The following MREG variants were observed in gnomAD, a reference collection of about 807,000 sequenced individuals.
MREG encodes the protein melanoregulin, also known as dilute suppressor protein homolog.
Under a neutral mutation model 28.5 loss-of-function variants are expected in MREG, and 31 were observed. The observed-to-expected ratio is 1.09, with a 90% CI of 0.82 to 1.47. The LOEUF is 1.47. Ranked by LOEUF, MREG falls within the 40% of genes most tolerant of loss-of-function variation. The probability of loss-of-function intolerance (pLI) is 0.00; values close to 1 mark genes in which losing one functional copy is unlikely to be tolerated. For synonymous variants in MREG, 106 were observed against 95.2 expected, an observed-to-expected ratio of 1.11 and a Z score of -0.66; for missense variants, 256 against 257.4, an observed-to-expected ratio of 0.99 and a Z score of 0.04.
intron 2 of MREG, among the ~76,000 whole-genome samples, chr2:215,995,511 C>CCCCCCCCCCCCCCCT (rs146414052): frequency 7.3e-6 from 1 of 136,124 alleles, no homozygotes; most frequent in Non-Finnish European, 1.5e-5. Context: ...CCCACCCCAC[C>CCCCCCCCCCCCCCCT]CCCCGCCACC....
intron 2 of MREG, among the ~76,000 whole-genome samples, chr2:215,954,422 C>T (rs1197844034): frequency 7.3e-6 from 1 of 136,442 alleles, no homozygotes; most frequent in Non-Finnish European, 1.6e-5. Context: ...TAAAATGATC[C>T]TTATTGTATT....
At chr2:216,006,285 T>C (rs1694152501) in intron 1 of MREG, among the ~76,000 whole-genome samples, 1 of 152,228 alleles carries the variant, frequency 6.6e-6, no homozygotes, top group Non-Finnish European at 1.5e-5. Flanking sequence ...CTTGTGAATT[T>C]TGGACAGCTG....
intron 2 of MREG, among the ~76,000 whole-genome samples, chr2:215,970,493 T>C (rs1245688861): frequency 6.6e-6 from 1 of 152,242 alleles, no homozygotes; most frequent in Non-Finnish European, 1.5e-5. Context: ...GAGCCATCCA[T>C]GAAATATGAG....
intron 1 of MREG, among the ~76,000 whole-genome samples, chr2:216,023,438 T>C (rs936824793): frequency 1.3e-5 from 2 of 152,214 alleles, no homozygotes; most frequent in Non-Finnish European, 1.5e-5. Context: ...CTAAACCTGT[T>C]AGGGCACTGC....
At chr2:215,997,548 A>C (rs2106018353) in intron 1 of MREG, among the ~76,000 whole-genome samples, 1 of 152,352 alleles carries the variant, frequency 6.6e-6, no homozygotes, top group East Asian at 1.9e-4. Context: ...AATTGTGAGC[A>C]AAACAGACAT....
chr2:215,949,080 ACT>A (rs769006225), intron 2 of MREG, among the ~76,000 whole-genome samples: 9,222 of 115,200 alleles, frequency 0.08, 313 homozygotes, highest in Admixed American at 0.09. Flanking sequence ...TACTACTACT[ACT>A]ACTACTAATA....
chr2:215,988,354 A>T (rs1045550468), intron 2 of MREG, among the ~76,000 whole-genome samples: 33 of 152,074 alleles, frequency 2.2e-4, no homozygotes, highest in Admixed American at 1.8e-3. Flanking sequence ...GTAATGGTGC[A>T]CTCCAGCCTA....
chr2:215,997,534 A>G (rs1382865063), intron 1 of MREG, among the ~76,000 whole-genome samples: 2 of 152,206 alleles, frequency 1.3e-5, no homozygotes, highest in African/African-American at 2.4e-5. Flanking sequence ...ACAGGGCTCA[A>G]TAAAATTGTG....
rs1415313144 is a variant in MREG, at chr2:216,013,335, G to A, written c.-8C>T. ...CCAGTCCCTCAGCCCCATGGAGAGC[G>A]AGGGCCCCCACCGGCGCCGGAAGCC... On this transcript the variant is annotated 5_prime_UTR_variant, in exon 1 of 5. Transcript: ENST00000263268. 31 of 1,518,782 alleles carry A rather than the reference G, an allele frequency of 2.0e-5. No individual in the cohort carries two copies. Among genetic ancestry groups the A allele is most frequent in the Non-Finnish European group, 7.9e-6 (9 of 1,133,472 alleles). 94.1% of individuals were successfully genotyped at this position (1,518,782 alleles called of 1,614,324 possible). A position where few individuals can be genotyped will look rare whatever the true frequency, so the allele number is the denominator to read the frequency against.
intron 2 of MREG, among the ~76,000 whole-genome samples, chr2:215,957,618 G>C (rs193103526): frequency 6.6e-6 from 1 of 152,234 alleles, no homozygotes; most frequent in Admixed American, 6.5e-5. Flanking sequence ...AGCAGGGAGG[G>C]CTGTGAGACT....
chr2:216,027,658 A>G (rs780294907), intron 1 of MREG, among the ~76,000 whole-genome samples: 11 of 152,246 alleles, frequency 7.2e-5, no homozygotes, highest in Non-Finnish European at 1.2e-4. Context: ...ACACCACTGC[A>G]TTCCAGCCTC....
At chr2:215,989,398 A>T (rs181738319) in intron 2 of MREG, among the ~76,000 whole-genome samples, 26 of 152,332 alleles carry the variant, frequency 1.7e-4, no homozygotes, top group Admixed American at 1.6e-3. Context: ...CAGGTCACCA[A>T]TATCAAAGAC....
chr2:215,998,414 G>GCTACCTGAGACCA (rs1245883853), intron 1 of MREG, among the ~76,000 whole-genome samples: 1 of 152,070 alleles, frequency 6.6e-6, no homozygotes, highest in African/African-American at 2.4e-5. Context: ...TTGGAACCAA[G>GCTACCTGAGACCA]GCTAGCAGGA....
intron 1 of MREG, among the ~76,000 whole-genome samples, chr2:216,023,932 T>C (rs949478578): frequency 3.3e-5 from 5 of 152,176 alleles, no homozygotes; most frequent in Admixed American, 2.0e-4. Flanking sequence ...CCTGCCAAAG[T>C]GCTGGGATTA....
intron 1 of MREG, among the ~76,000 whole-genome samples, chr2:216,019,540 T>A (rs1346293022): frequency 1.3e-5 from 2 of 151,698 alleles, no homozygotes; most frequent in Non-Finnish European, 2.9e-5. Flanking sequence ...AGTCTTGCTC[T>A]GTCGCCCAGG....
upstream of MREG, among the ~76,000 whole-genome samples, chr2:216,015,434 A>AG (rs1259631052): frequency 1.3e-5 from 2 of 152,126 alleles, no homozygotes; most frequent in Admixed American, 6.5e-5. Context: ...CCTAGAGAGA[A>AG]GGGGGCCATG....
At chr2:215,961,519 G>A (rs1443326388) in intron 2 of MREG, among the ~76,000 whole-genome samples, 3 of 151,796 alleles carry the variant, frequency 2.0e-5, no homozygotes, top group Admixed American at 6.6e-5. Context: ...TCCGTCTCCC[G>A]GGTTCAAGCG....
intron 2 of MREG, among the ~76,000 whole-genome samples, chr2:215,978,895 G>C (rs953542413): frequency 6.6e-6 from 1 of 152,232 alleles, no homozygotes; most frequent in Non-Finnish European, 1.5e-5. Flanking sequence ...AAAATAATAA[G>C]AGCTATTTAT....
At chr2:215,952,959 T>G (rs1334481427) in intron 2 of MREG, among the ~76,000 whole-genome samples, 1 of 152,184 alleles carries the variant, frequency 6.6e-6, no homozygotes, top group African/African-American at 2.4e-5. Context: ...TGCACACGTG[T>G]GCTCTCTCTT....
Sources: allele counts gnomAD v4.1 joint callset (sites outside exome capture counted in the v4.1 genomes callset), GRCh38; gene constraint gnomAD v4.1.1; transcripts MANE v1.5; gene names NCBI Gene and HGNC (gene_info 2026-07-23, HGNC 2026-07-21).